Variants in FOCAD observed in about 807,000 individuals in gnomAD.
The protein encoded by FOCAD is focadhesin, also known as KIAA1797.
A neutral mutation model predicts 225.6 loss-of-function variants in FOCAD; 198 were observed. That is an observed-to-expected ratio of 0.88 (90% CI 0.78 to 0.99). The LOEUF (loss-of-function observed/expected upper bound fraction) is 0.99, where lower values mean the gene tolerates loss of function less well. Ranked by LOEUF, FOCAD falls within the 50% of genes least tolerant of loss-of-function variation. The probability of loss-of-function intolerance (pLI) is 0.00; values close to 1 mark genes in which losing one functional copy is unlikely to be tolerated. For missense variants in FOCAD, 2,713 were observed against 2,123.6 expected, an observed-to-expected ratio of 1.28 and a Z score of -5.46; for synonymous variants, 897 against 755.0, an observed-to-expected ratio of 1.19 and a Z score of -3.08.
intron 40 of FOCAD, among the ~76,000 whole-genome samples, chr9:20,986,873 A>G (rs988624427): frequency 6.6e-6 from 1 of 152,230 alleles, no homozygotes; most frequent in Non-Finnish European, 1.5e-5. Context: ...TAGTTATTTT[A>G]CAGAAGAACT....
intron 6 of FOCAD, among the ~76,000 whole-genome samples, chr9:20,762,158 G>A (rs1426774857): frequency 6.6e-6 from 1 of 152,190 alleles, no homozygotes; most frequent in Non-Finnish European, 1.5e-5. Context: ...TTGACACCCG[G>A]ATAGTATTTA....
intron 1 of FOCAD, among the ~76,000 whole-genome samples, chr9:20,697,924 T>G (rs1587250112): frequency 6.6e-6 from 1 of 152,336 alleles, no homozygotes; most frequent in Non-Finnish European, 1.5e-5. Flanking sequence ...CTTACTTGTT[T>G]GGAACTCTGC....
intron 10 of FOCAD, among the ~76,000 whole-genome samples, chr9:20,783,535 C>G (rs1055671422): frequency 1.3e-5 from 2 of 151,960 alleles, no homozygotes; most frequent in Non-Finnish European, 2.9e-5. Context: ...CTTCAAGACT[C>G]AGCCAAATGT....
chr9:20,725,189 A>G (rs1826091621), intron 4 of FOCAD, among the ~76,000 whole-genome samples: 1 of 152,150 alleles, frequency 6.6e-6, no homozygotes, highest in South Asian at 2.1e-4. Flanking sequence ...CAATCACTCA[A>G]TCAATCAGTA....
chr9:20,724,782 A>G (rs1200655619), intron 4 of FOCAD, among the ~76,000 whole-genome samples: 1 of 152,094 alleles, frequency 6.6e-6, no homozygotes, highest in Non-Finnish European at 1.5e-5. Context: ...GAAACAAGCT[A>G]ATTAAAAACA....
chr9:20,688,163 G>A (rs1822774592), intron 1 of FOCAD, among the ~76,000 whole-genome samples: 1 of 152,180 alleles, frequency 6.6e-6, no homozygotes, highest in African/African-American at 2.4e-5. Context: ...GTTGATCCAT[G>A]AGTAATAGAT....
chr9:20,993,230 A>G (rs1306045265), intron 42 of FOCAD, 23 bp from the exon 43 acceptor site: 1 of 1,593,984 alleles, frequency 6.3e-7, no homozygotes. Flanking sequence ...CTTCTTTGAC[A>G]CTATTTTTCA....
intron 8 of FOCAD, among the ~76,000 whole-genome samples, chr9:20,773,644 T>C (rs1587111167): frequency 6.6e-6 from 1 of 152,338 alleles, no homozygotes; most frequent in East Asian, 1.9e-4. Context: ...CTTACATTTC[T>C]TTATAGTTTT....
intron 3 of FOCAD, 35 bp from the exon 4 acceptor site, chr9:20,720,345 T>A (rs1041739129): frequency 1.2e-6 from 2 of 1,608,160 alleles, no homozygotes; most frequent in African/African-American, 2.7e-5. Flanking sequence ...TTGCTGCTCA[T>A]CAGAATTGTC....
chr9:20,825,146 C>CATGTGT (rs35210521), intron 15 of FOCAD, among the ~76,000 whole-genome samples: 1 of 138,990 alleles, frequency 7.2e-6, no homozygotes. Flanking sequence ...TCAAGCTTTG[C>CATGTGT]GTGTGTGTGT....
At chr9:20,835,015 A>G in intron 15 of FOCAD, among the ~76,000 whole-genome samples, 1 of 152,114 alleles carries the variant, frequency 6.6e-6, no homozygotes, top group South Asian at 2.1e-4. Flanking sequence ...TAGTTACTAG[A>G]AAATTTAAAA....
Position 20,944,921 on chromosome 9 carries a change from A to C in FOCAD, c.3555+147A>C, listed in dbSNP as rs1372543295. On this transcript the variant is annotated intron_variant, in intron 29 of 43. Transcript: ENST00000338382. ...CTGAATGACAAACAACCAATATTAGATCATAAGGTTTTCATATTATGTGGC... is the reference window on the plus strand; with the variant it reads ...CTGAATGACAAACAACCAATATTAGCTCATAAGGTTTTCATATTATGTGGC... 1.1e-5 allele frequency: 10 copies of C among 874,988 alleles called. No individual in the cohort carries two copies. In the East Asian group the frequency reaches 2.5e-4, roughly 22 times the overall value. 54.2% of individuals were successfully genotyped at this position (874,988 alleles called of 1,614,324 possible).
intron 11 of FOCAD, among the ~76,000 whole-genome samples, chr9:20,795,009 A>T (rs1225243572): frequency 6.6e-6 from 1 of 152,226 alleles, no homozygotes; most frequent in African/African-American, 2.4e-5. Flanking sequence ...ATATCCAGAA[A>T]ATTTTATTAG....
intron 28 of FOCAD, among the ~76,000 whole-genome samples, chr9:20,942,566 A>G (rs1247114986): frequency 6.6e-6 from 1 of 152,214 alleles, no homozygotes; most frequent in African/African-American, 2.4e-5. Context: ...GCCTACTACT[A>G]AACATAAGAA....
chr9:20,672,523 T>G (rs1436958304), intron 2 of FOCAD, among the ~76,000 whole-genome samples: 2 of 152,204 alleles, frequency 1.3e-5, no homozygotes, highest in Admixed American at 1.3e-4. Flanking sequence ...CAATCTAGGC[T>G]CACTGCAAGC....
intron 35 of FOCAD, among the ~76,000 whole-genome samples, chr9:20,968,023 G>A (rs1022587207): frequency 3.9e-5 from 6 of 152,134 alleles, no homozygotes; most frequent in African/African-American, 1.4e-4. Context: ...AAGAAATTGA[G>A]AAAGATTGGT....
In FOCAD at chr9:20,781,889, A is replaced by G. The variant is rs762812325; in HGVS notation, c.1157A>G (p.Glu386Gly). ...SRQQLALNLLEMIQQECYRDD... is the reference protein window; with the variant it reads ...SRQQLALNLLGMIQQECYRDD... Reference sequence around the variant, plus strand: ...CAGCAGTTGGCTCTAAACCTTTTGGAAATGATACAGCAGGAATGTTACAGA... The same window carrying G: ...CAGCAGTTGGCTCTAAACCTTTTGGGAATGATACAGCAGGAATGTTACAGA... The change falls in exon 10 of 44, where the codon GAA becomes GGA. Residue 386 changes from glutamate (E) to glycine (G), a missense_variant. Transcript: ENST00000338382. The G allele has an allele frequency of 6.2e-7, 1 of 1,614,056 alleles. No homozygotes were observed. The highest frequency in any genetic ancestry group is 1.1e-5 in the South Asian group (1 of 91,070).
At chr9:20,816,791 G>A (rs968766635) in intron 11 of FOCAD, among the ~76,000 whole-genome samples, 2 of 151,578 alleles carry the variant, frequency 1.3e-5, no homozygotes, top group South Asian at 2.1e-4. Flanking sequence ...ATTTGGGGAA[G>A]AAAATAAAAA....
At chr9:20,771,508 C>T (rs1156908881) in intron 8 of FOCAD, among the ~76,000 whole-genome samples, 4 of 152,142 alleles carry the variant, frequency 2.6e-5, no homozygotes, top group Admixed American at 6.5e-5. Flanking sequence ...CCTGTAATCC[C>T]AGCACTTTGG....
Sources: gnomAD v4.1 joint callset for allele counts (sites outside exome capture counted in the v4.1 genomes callset) on GRCh38, gnomAD v4.1.1 for gene constraint, MANE v1.5 for transcripts, NCBI Gene and HGNC (gene_info 2026-07-23, HGNC 2026-07-21) for gene names.